FER: variants seen among roughly 807,000 people sequenced by gnomAD.
FER encodes FER tyrosine kinase.
Under a neutral mutation model 111.0 loss-of-function variants are expected in FER, and 63 were observed. The ratio of observed to expected loss-of-function variants is 0.57; its 90% CI spans 0.46 to 0.70. The LOEUF (loss-of-function observed/expected upper bound fraction) is 0.70. FER is among the 30% of genes least tolerant of loss of function. FER has a pLI of 0.00. For missense variants in FER, 914 were observed against 954.0 expected (o/e 0.96, Z 0.55); for synonymous variants, 327 against 313.9 (o/e 1.04, Z -0.44).
At chr5:108,885,461 A>G (rs1406599082) in intron 9 of FER, among the ~76,000 whole-genome samples, 1 of 151,974 alleles carries the variant, frequency 6.6e-6, no homozygotes, top group East Asian at 1.9e-4. Flanking sequence ...TGTGCCATAG[A>G]CTAGGTGACT....
intron 4 of FER, among the ~76,000 whole-genome samples, chr5:108,833,742 C>T (rs1213027000): frequency 4.0e-5 from 6 of 151,834 alleles, no homozygotes; most frequent in Non-Finnish European, 5.9e-5. Context: ...GGCGTACTGG[C>T]GGGCGCCTGT....
chr5:109,076,489 G>A (rs1444119832), intron 16 of FER, among the ~76,000 whole-genome samples: 1 of 152,100 alleles, frequency 6.6e-6, no homozygotes, highest in Non-Finnish European at 1.5e-5. Context: ...GAGTGCAGTG[G>A]TGTAATCATG....
intron 17 of FER, among the ~76,000 whole-genome samples, chr5:109,115,863 C>T (rs1750168396): frequency 6.6e-6 from 1 of 152,070 alleles, no homozygotes; most frequent in Non-Finnish European, 1.5e-5. Flanking sequence ...TCTTACCCCT[C>T]TCCTCCTTTT....
intron 5 of FER, among the ~76,000 whole-genome samples, chr5:108,848,062 T>C (rs867885154): frequency 5.3e-5 from 8 of 152,058 alleles, no homozygotes; most frequent in African/African-American, 9.7e-5. Context: ...TAACTTTTTA[T>C]AGAGATGGGG....
chr5:108,793,938 C>T (rs1755693236), intron 2 of FER, among the ~76,000 whole-genome samples: 1 of 152,112 alleles, frequency 6.6e-6, no homozygotes, highest in South Asian at 2.1e-4. Flanking sequence ...ACTTTGACCC[C>T]TCTCCGCTTT....
At position 109,044,707 on chromosome 5, in the gene FER, A is replaced by T; in HGVS notation, c.1741A>T (p.Thr581Ser). ...AAATTTTGGTGAAGTATATAAGGGC[A>T]CATTAAAGGATAAAACTTCTGTTGC... is the stretch of plus-strand genomic sequence containing the variant. Reference protein sequence around the residue: ...KGNFGEVYKGTLKDKTSVAVK... With the variant: ...KGNFGEVYKGSLKDKTSVAVK... The change falls in exon 15 of 20, where the codon ACA (threonine) becomes TCA (serine). Residue 581 changes from threonine (T) to serine (S), a missense_variant. Thr to Ser is a moderately conservative substitution (Grantham distance 58). Coordinates refer to ENST00000281092, the MANE Select transcript of FER (RefSeq NM_005246.4). The T allele has an allele frequency of 1.9e-6, 3 of 1,583,256 alleles. No homozygotes were observed. Among genetic ancestry groups the T allele is most frequent in the Non-Finnish European group, 2.6e-6 (3 of 1,166,470 alleles).
At chr5:109,121,738 G>T (rs1410200871) in intron 17 of FER, among the ~76,000 whole-genome samples, 3 of 151,954 alleles carry the variant, frequency 2.0e-5, no homozygotes, top group Non-Finnish European at 4.4e-5. Flanking sequence ...GATTTTCTTT[G>T]CTGGGCGATT....
In FER at chr5:109,195,588, G is replaced by C. The variant is rs1265529500; in HGVS notation, c.*8013G>C. 6.6e-6 allele frequency: 1 copy of C among 152,160 alleles called. No homozygotes were observed. Among genetic ancestry groups the C allele is most frequent in the African/African-American group, 2.4e-5 (1 of 41,440 alleles). The allele number at this position is 152,160 out of a possible 1,614,324, so 9.4% of individuals were successfully genotyped here. A position where few individuals can be genotyped will look rare whatever the true frequency, so the allele number is the denominator to read the frequency against. On this transcript the variant is annotated 3_prime_UTR_variant, in exon 20 of 20. Coordinates refer to ENST00000281092, the MANE Select transcript of FER (RefSeq NM_005246.4). ...GACAAAGGGGAACTGGTCGAGAGGGGTCTTAGTTATTTCAAATCCATGACC... is the reference window on the plus strand; with the variant it reads ...GACAAAGGGGAACTGGTCGAGAGGGCTCTTAGTTATTTCAAATCCATGACC...
At chr5:108,907,562 G>A (rs1383982951) in intron 10 of FER, among the ~76,000 whole-genome samples, 2 of 151,724 alleles carry the variant, frequency 1.3e-5, no homozygotes, top group Non-Finnish European at 2.9e-5. Flanking sequence ...CAAAGTGCTG[G>A]GATTATAGGA....
At chr5:108,782,286 TA>T (rs1224693736) in intron 2 of FER, among the ~76,000 whole-genome samples, 1 of 138,972 alleles carries the variant, frequency 7.2e-6, no homozygotes, top group Non-Finnish European at 1.6e-5. Flanking sequence ...GACTTCCAAG[TA>T]TTTTTTTTTT....
chr5:108,780,381 G>GT lies in FER; in HGVS notation c.-60+12155dup, dbSNP rs35241586. On this transcript the variant is annotated intron_variant, in intron 2 of 19. Coordinates refer to ENST00000281092, the MANE Select transcript of FER (RefSeq NM_005246.4). ...AAGGTACATAATTCTAGGTTAGTGG[G>GT]TTTTTTTTTTTTAATTTTTTACTTT... Among the ~76,000 whole-genome samples the GT allele has an allele frequency of 2.6e-3, 370 of 143,904 alleles. 3 individuals carry two copies. Among genetic ancestry groups the GT allele is most frequent in the African/African-American group, 8.2e-3 (316 of 38,748 alleles). 94.4% of individuals were successfully genotyped at this position (143,904 alleles called of 152,430 possible). A position where few individuals can be genotyped will look rare whatever the true frequency, so the allele number is the denominator to read the frequency against.
chr5:108,754,977 G>A (rs913167851), intron 1 of FER, among the ~76,000 whole-genome samples: 2 of 152,096 alleles, frequency 1.3e-5, no homozygotes, highest in Admixed American at 1.3e-4. Context: ...TTTGATATTT[G>A]CAAGTGGTAT....
At chr5:109,087,245 G>C (rs1451911803) in intron 16 of FER, among the ~76,000 whole-genome samples, 1 of 151,656 alleles carries the variant, frequency 6.6e-6, no homozygotes, top group Non-Finnish European at 1.5e-5. Flanking sequence ...CATATGTTCT[G>C]TATGACTTTT....
intron 8 of FER, among the ~76,000 whole-genome samples, chr5:108,882,296 A>T (rs972347241): frequency 2.6e-5 from 4 of 152,124 alleles, no homozygotes; most frequent in Admixed American, 6.6e-5. Flanking sequence ...CATTAAAAAA[A>T]AATAATATTG....
chr5:108,781,447 C>A (rs531790387), intron 2 of FER, among the ~76,000 whole-genome samples: 2 of 152,324 alleles, frequency 1.3e-5, no homozygotes, highest in South Asian at 4.1e-4. Context: ...CTGCCTCGGC[C>A]TCCCAAAGTG....
Position 109,187,741 on chromosome 5 carries a change from A to AAGGCAAATTTGTTAAAGAAATAGG in FER, c.*167_*190dup, listed in dbSNP as rs1433024952. On this transcript the variant is annotated 3_prime_UTR_variant, in exon 20 of 20. Transcript: ENST00000281092. ...AGTACGTTCCACTTGTAAAAAGTCA[A>AAGGCAAATTTGTTAAAGAAATAGG]AGGCAAATTTGTTAAAGAAATAGGC... is the stretch of plus-strand genomic sequence containing the variant. 4.6e-6 allele frequency: 4 copies of AAGGCAAATTTGTTAAAGAAATAGG among 866,462 alleles called. No homozygotes were observed. In the Admixed American group the frequency reaches 1.2e-4, roughly 25 times the overall value. The allele number at this position is 866,462 out of a possible 1,614,324, so 53.7% of individuals were successfully genotyped here. A position where few individuals can be genotyped will look rare whatever the true frequency, so the allele number is the denominator to read the frequency against.
chr5:109,093,931 A>G (rs1430920076), intron 16 of FER, among the ~76,000 whole-genome samples: 2 of 152,036 alleles, frequency 1.3e-5, no homozygotes, highest in Non-Finnish European at 2.9e-5. Flanking sequence ...TCTTGCTTTT[A>G]CACTGTCTAT....
chr5:108,780,753 A>G (rs1026630922), intron 2 of FER, among the ~76,000 whole-genome samples: 1 of 151,078 alleles, frequency 6.6e-6, no homozygotes, highest in African/African-American at 2.4e-5. Flanking sequence ...TTCTTTTGGT[A>G]TTCCCATTAC....
intron 5 of FER, among the ~76,000 whole-genome samples, chr5:108,845,037 T>TATATATATATATAC (rs1761840453): frequency 1.8e-5 from 1 of 54,220 alleles, no homozygotes; most frequent in Non-Finnish European, 3.5e-5. Context: ...TATATATATA[T>TATATATATATATAC]ATACATATAT....
Sources: gnomAD v4.1 joint callset for allele counts (sites outside exome capture counted in the v4.1 genomes callset) on GRCh38, gnomAD v4.1.1 for gene constraint, MANE v1.5 for transcripts, NCBI Gene and HGNC (gene_info 2026-07-23, HGNC 2026-07-21) for gene names.